The following PMEPA1 variants were observed in gnomAD, a reference collection of about 807,000 sequenced individuals.
PMEPA1 encodes the protein prostate transmembrane protein, androgen induced 1, also known as protein TMEPAI.
PMEPA1 carries 11 observed loss-of-function variants against 23.0 expected under a neutral mutation model. The observed-to-expected ratio is 0.48, with a 90% CI of 0.30 to 0.79. The LOEUF (loss-of-function observed/expected upper bound fraction) is 0.79. Ranked by LOEUF, PMEPA1 falls within the 30% of genes least tolerant of loss-of-function variation. The pLI is 0.06. For missense variants in PMEPA1, 377 were observed against 390.9 expected (o/e 0.96, Z 0.30); for synonymous variants, 204 against 166.4 (o/e 1.23, Z -1.74).
Position 57,652,550 on chromosome 20 carries a change from G to C in PMEPA1, c.367C>G (p.Pro123Ala), listed in dbSNP as rs775546662. 1 of 1,537,998 alleles carries C rather than the reference G, an allele frequency of 6.5e-7. No homozygotes were observed. The highest frequency in any genetic ancestry group is 1.4e-5 in the African/African-American group (1 of 73,126). ...PRPTDRLAVP[P>A]FAQRERFHRF... ...TGGAAGCGCTCCCGCTGGGCGAAGG[G>C]CGGCACGGCCAGGCGGTCGGTGGGC... The change falls in exon 4 of 4, where the codon CCC becomes GCC. Residue 123 changes from proline (P) to alanine (A), a missense_variant. Physicochemically the swap from Pro to Ala is conservative, Grantham distance 27 (BLOSUM62 -1). Coordinates refer to ENST00000341744, the MANE Select transcript of PMEPA1 (RefSeq NM_020182.5). This position sits in a 1 kb window ranked among gnomAD's most constrained non-coding sequence, Gnocchi z 6.1.
rs1333850517 is a variant in PMEPA1, at chr20:57,651,541, T to C, written c.*512A>G. On this transcript the variant is annotated 3_prime_UTR_variant, in exon 4 of 4. Transcript: ENST00000341744. ...CTGACTTGGCACTCAAAAATTGCCA[T>C]TTTTTTCCTCTTCTAGTTCAGAAAA... 1 of 152,462 alleles carries C rather than the reference T, an allele frequency of 6.6e-6. No individual in the cohort carries two copies. The highest frequency in any genetic ancestry group is 1.5e-5 in the Non-Finnish European group (1 of 68,012). The allele number at this position is 152,462 out of a possible 1,614,324, so 9.4% of individuals were successfully genotyped here.
At chr20:57,676,228 G>A (rs1345013872) in intron 1 of PMEPA1, among the ~76,000 whole-genome samples, 1 of 152,226 alleles carries the variant, frequency 6.6e-6, no homozygotes, top group East Asian at 1.9e-4. Flanking sequence ...GGTGTCTGTG[G>A]TGACCTGGCC....
chr20:57,669,160 T>TTTATTTAC (rs1179335260), intron 1 of PMEPA1, among the ~76,000 whole-genome samples: 2 of 151,524 alleles, frequency 1.3e-5, no homozygotes. Flanking sequence ...TATTTATTTA[T>TTTATTTAC]TTATTTATTT....
intron 1 of PMEPA1, among the ~76,000 whole-genome samples, chr20:57,678,559 G>A (rs935072460): frequency 9.2e-5 from 14 of 152,148 alleles, no homozygotes; most frequent in African/African-American, 3.1e-4. Flanking sequence ...TCCCTCTCTC[G>A]CAGCCTCCCT....
In PMEPA1 at chr20:57,655,424, G is replaced by A. The variant is rs1036563157; in HGVS notation, c.265-2338C>T. Among the ~76,000 whole-genome samples, 10 of 152,326 alleles carry A rather than the reference G, an allele frequency of 6.6e-5. No homozygotes were observed. The highest frequency in any genetic ancestry group is 1.9e-4 in the African/African-American group (8 of 41,576). ...CACTCGCCCTGCAGGAGCTGCTACC[G>A]TTTCCCCAGTGCCAGGCGCCGGCGT... is the stretch of plus-strand genomic sequence containing the variant. On this transcript the variant is annotated intron_variant, in intron 2 of 3. Transcript: ENST00000341744. This position sits in a 1 kb window ranked among gnomAD's most constrained non-coding sequence, Gnocchi z 4.2.
At chr20:57,679,352 G>A (rs568222962) in intron 1 of PMEPA1, among the ~76,000 whole-genome samples, 114 of 152,364 alleles carry the variant, frequency 7.5e-4, no homozygotes, top group African/African-American at 2.6e-3. Flanking sequence ...GCTTGGCAAA[G>A]CTGCACTGAG....
rs988176045 is a variant in PMEPA1 at position 57,682,050 on chromosome 20, C to T, written c.110-22353G>A. ...TTTCCCATCTGCACCAGACTAGTAG[C>T]TCCCTGAGGGCAGGCTCAGGCCTGT... On this transcript the variant is annotated intron_variant, in intron 1 of 3. Coordinates refer to ENST00000341744, the MANE Select transcript of PMEPA1 (RefSeq NM_020182.5). This position sits in a 1 kb window ranked among gnomAD's most constrained non-coding sequence, Gnocchi z 4.4. Among the ~76,000 whole-genome samples, 1 of 152,230 alleles carries T rather than the reference C, an allele frequency of 6.6e-6. No individual in the cohort carries two copies. The highest frequency in any genetic ancestry group is 2.4e-5 in the African/African-American group (1 of 41,450).
intron 1 of PMEPA1, among the ~76,000 whole-genome samples, chr20:57,700,465 C>A (rs1275015624): frequency 3.9e-5 from 6 of 152,224 alleles, no homozygotes; most frequent in Non-Finnish European, 7.3e-5. Context: ...GGCAAAGTGG[C>A]ATCTCGAACC....
intron 1 of PMEPA1, among the ~76,000 whole-genome samples, chr20:57,672,259 C>T (rs911836169): frequency 1.3e-5 from 2 of 152,256 alleles, no homozygotes. Context: ...CAGTGACGCA[C>T]GTATGCCCTC....
rs182740417 is a variant in PMEPA1 at position 57,649,661 on chromosome 20, G to A, written c.*2392C>T. 3 of 152,412 alleles carry A rather than the reference G, an allele frequency of 2.0e-5. No homozygotes were observed. The highest frequency in any genetic ancestry group is 2.0e-4 in the Admixed American group (3 of 15,294). The allele number at this position is 152,412 out of a possible 1,614,324, so 9.4% of individuals were successfully genotyped here. ...CCACTTCTAGGTTTTCAGCCTAGAT[G>A]GGAGTCGTGTACAAACCTTGGCAAA... On this transcript the variant is annotated 3_prime_UTR_variant, in exon 4 of 4. Transcript: ENST00000341744.
intron 1 of PMEPA1, among the ~76,000 whole-genome samples, chr20:57,680,296 T>G (rs2071695265): frequency 6.6e-6 from 1 of 152,234 alleles, no homozygotes. Context: ...ATGAAGGGAC[T>G]GGGACCTCAA....
intron 1 of PMEPA1, among the ~76,000 whole-genome samples, chr20:57,673,080 T>C (rs2071591077): frequency 6.6e-6 from 1 of 151,684 alleles, no homozygotes; most frequent in Admixed American, 6.6e-5. Context: ...CCGGTTCTCC[T>C]GGGCCCCCGC....
chr20:57,660,317 A>G (rs2071395247), intron 1 of PMEPA1, among the ~76,000 whole-genome samples: 1 of 151,932 alleles, frequency 6.6e-6, no homozygotes, highest in Non-Finnish European at 1.5e-5. Flanking sequence ...ATGTCAACAC[A>G]CCAACACTCC....
chr20:57,694,438 T>G (rs1440849772), intron 1 of PMEPA1, among the ~76,000 whole-genome samples: 2 of 152,252 alleles, frequency 1.3e-5, no homozygotes, highest in Admixed American at 1.3e-4. Context: ...CTAACATACA[T>G]TCACATGAGT....
At chr20:57,710,334 C>T (rs561260565), upstream of PMEPA1, 4 of 999,544 alleles carry the variant, frequency 4.0e-6, no homozygotes, top group South Asian at 9.7e-5. Context: ...CCTCCCCTCG[C>T]CCCCGTCCCT....
chr20:57,671,372 T>C (rs1291469999), intron 1 of PMEPA1, among the ~76,000 whole-genome samples: 4 of 151,842 alleles, frequency 2.6e-5, no homozygotes, highest in African/African-American at 9.7e-5. Context: ...CGTGGGTGAG[T>C]GAGTCCGTGG....
chr20:57,658,987 T>C (rs975725246), intron 2 of PMEPA1, among the ~76,000 whole-genome samples: 2 of 152,166 alleles, frequency 1.3e-5, no homozygotes, highest in Non-Finnish European at 2.9e-5. Flanking sequence ...CCCAGGTGCC[T>C]CCCTGCTTTC....
chr20:57,710,196 G>A (rs1005544793), upstream of PMEPA1: 14 of 490,350 alleles, frequency 2.9e-5, no homozygotes, highest in African/African-American at 2.6e-4. Context: ...CCCGGCACCC[G>A]CGCAACGGAG....
intron 1 of PMEPA1, among the ~76,000 whole-genome samples, chr20:57,694,737 G>C (rs1056676363): frequency 6.6e-6 from 1 of 152,222 alleles, no homozygotes. Flanking sequence ...GCTCTTGCAG[G>C]GCTGCATGTG....
Sources: allele counts gnomAD v4.1 joint callset (sites outside exome capture counted in the v4.1 genomes callset), GRCh38; gene constraint gnomAD v4.1.1; non-coding constraint Gnocchi (gnomAD v3.1); transcripts MANE v1.5; gene names NCBI Gene and HGNC (gene_info 2026-07-23, HGNC 2026-07-21).